NR5A2: variants seen among roughly 807,000 people sequenced by gnomAD.
NR5A2 encodes the protein CYP7A promoter-binding factor.
A neutral mutation model predicts 62.7 loss-of-function variants in NR5A2; 26 were observed. That is an observed-to-expected ratio of 0.41 (90% CI 0.30 to 0.58). The LOEUF (loss-of-function observed/expected upper bound fraction) is 0.58. NR5A2 is among the 20% of genes least tolerant of loss of function. The probability of loss-of-function intolerance (pLI) is 0.22; values close to 1 mark genes in which losing one functional copy is unlikely to be tolerated. For missense variants in NR5A2, 541 were observed against 669.1 expected (o/e 0.81, Z 2.11); for synonymous variants, 246 against 241.7 (o/e 1.02, Z -0.16).
intron 7 of NR5A2, among the ~76,000 whole-genome samples, chr1:200,163,533 G>A (rs1653755409): frequency 6.6e-6 from 1 of 151,326 alleles, no homozygotes; most frequent in African/African-American, 2.4e-5. Flanking sequence ...CCAGGCTGGA[G>A]TGCAGTGGCA....
intron 7 of NR5A2, among the ~76,000 whole-genome samples, chr1:200,170,317 C>T (rs1423715807): frequency 6.6e-6 from 1 of 152,118 alleles, no homozygotes; most frequent in African/African-American, 2.4e-5. Context: ...AACATGCTTT[C>T]CCTTTCCATC....
intron 5 of NR5A2, among the ~76,000 whole-genome samples, chr1:200,104,020 T>A (rs1665522745): frequency 6.6e-6 from 1 of 151,432 alleles, no homozygotes; most frequent in Non-Finnish European, 1.5e-5. Context: ...AAAGAGAGAG[T>A]CCAGATCTGG....
chr1:200,047,325 A>G (rs1244213370), intron 4 of NR5A2, among the ~76,000 whole-genome samples: 2 of 152,216 alleles, frequency 1.3e-5, no homozygotes, highest in African/African-American at 4.8e-5. Context: ...CATCAAGTCC[A>G]GGTGAACATG....
At chr1:200,144,233 TCACACA>T (rs60365337) in intron 7 of NR5A2, among the ~76,000 whole-genome samples, 4 of 80,120 alleles carry the variant, frequency 5.0e-5, no homozygotes, top group African/African-American at 1.3e-4. Flanking sequence ...TCTCTCTCTC[TCACACA>T]CACACACACA....
At chr1:200,107,782 G>C (rs1665758499) in intron 5 of NR5A2, among the ~76,000 whole-genome samples, 1 of 151,690 alleles carries the variant, frequency 6.6e-6, no homozygotes, top group South Asian at 2.1e-4. Flanking sequence ...TGGGATTACA[G>C]GCGCCTGCCA....
At chr1:200,151,617 A>C (rs1653128135) in intron 7 of NR5A2, among the ~76,000 whole-genome samples, 1 of 152,236 alleles carries the variant, frequency 6.6e-6, no homozygotes, top group Non-Finnish European at 1.5e-5. Context: ...TCTACATGGA[A>C]GCACAGAGAC....
chr1:200,038,004 C>G (rs764885868), intron 1 of NR5A2, among the ~76,000 whole-genome samples: 3 of 152,190 alleles, frequency 2.0e-5, no homozygotes, highest in African/African-American at 4.8e-5. Flanking sequence ...AAATTCACCC[C>G]CTTGTGGGTG....
At chr1:200,036,378 G>A (rs1163643281) in intron 1 of NR5A2, among the ~76,000 whole-genome samples, 1 of 152,156 alleles carries the variant, frequency 6.6e-6, no homozygotes, top group Non-Finnish European at 1.5e-5. Flanking sequence ...TTCAACAGGG[G>A]TCCCTTGCCC....
In NR5A2 at chr1:200,039,488, C is replaced by G. The variant is rs1480341436; in HGVS notation, c.65-170C>G. Among the ~76,000 whole-genome samples, 1 of 152,144 alleles carries G rather than the reference C, an allele frequency of 6.6e-6. No homozygotes were observed. The highest frequency in any genetic ancestry group is 1.9e-4 in the East Asian group (1 of 5,150). The stretch of plus-strand genomic sequence containing the variant: ...TTTAACCCTGACCTCCTCCTCGCAG[C>G]TTGGGGGCGGCTCCGGAGCTGCGAG... On this transcript the variant is annotated intron_variant, in intron 1 of 7. Transcript: ENST00000367362. The surrounding 1 kb of genome is among the most constrained non-coding windows in gnomAD (Gnocchi z 5.1).
chr1:200,041,455 A>G (rs1026304138), intron 2 of NR5A2, among the ~76,000 whole-genome samples: 4 of 152,060 alleles, frequency 2.6e-5, no homozygotes, highest in East Asian at 1.9e-4. Flanking sequence ...CCCCTGGGGG[A>G]TGGGGACCCC....
At chr1:200,105,381 C>A (rs1375496151) in intron 5 of NR5A2, among the ~76,000 whole-genome samples, 3 of 152,026 alleles carry the variant, frequency 2.0e-5, no homozygotes, top group Non-Finnish European at 1.5e-5. Context: ...CTCTGACCCC[C>A]TAGGAAGCCT....
intron 2 of NR5A2, among the ~76,000 whole-genome samples, chr1:200,040,512 A>AAG (rs1662013616): frequency 6.6e-6 from 1 of 152,170 alleles, no homozygotes; most frequent in Admixed American, 6.5e-5. Flanking sequence ...CCAACAAAAA[A>AAG]ACAAATCCCG....
chr1:200,095,462 C>T (rs1665043186), intron 5 of NR5A2, among the ~76,000 whole-genome samples: 1 of 152,134 alleles, frequency 6.6e-6, no homozygotes, highest in Non-Finnish European at 1.5e-5. Context: ...GCTGGATGTC[C>T]ATTGGTGAAT....
chr1:200,144,570 T>G (rs750125904), intron 7 of NR5A2, among the ~76,000 whole-genome samples: 1 of 152,222 alleles, frequency 6.6e-6, no homozygotes, highest in African/African-American at 2.4e-5. Context: ...TTCCCTCTTC[T>G]ATTAACCCAT....
chr1:200,053,853 T>C (rs943227257), intron 5 of NR5A2, among the ~76,000 whole-genome samples: 1 of 152,200 alleles, frequency 6.6e-6, no homozygotes. Flanking sequence ...CTTCTGGGCC[T>C]TGAGTTTCTG....
At chr1:200,096,438 A>G (rs942176090) in intron 5 of NR5A2, among the ~76,000 whole-genome samples, 12 of 152,170 alleles carry the variant, frequency 7.9e-5, no homozygotes, top group African/African-American at 2.9e-4. Context: ...TTGTATGATC[A>G]GCTATGGAAA....
intron 7 of NR5A2, chr1:200,148,025 G>T (rs1002696074): frequency 2.6e-5 from 8 of 304,924 alleles, no homozygotes; most frequent in African/African-American, 6.7e-5. Flanking sequence ...CGAAGGCCAC[G>T]TTGGGCAGGT....
At chr1:200,138,819 TAATA>T (rs1412163008) in intron 7 of NR5A2, among the ~76,000 whole-genome samples, 3 of 152,194 alleles carry the variant, frequency 2.0e-5, no homozygotes, top group Non-Finnish European at 2.9e-5. Flanking sequence ...TGCATTTTTA[TAATA>T]AATCTTAATA....
rs1424812729 is a variant in NR5A2 at position 200,175,005 on chromosome 1, C to G, written c.*795C>G. On this transcript the variant is annotated 3_prime_UTR_variant, in exon 8 of 8. Coordinates refer to ENST00000367362, the MANE Select transcript of NR5A2 (RefSeq NM_205860.3). ...TGACTACAAACTTTCAAAGCAAATG[C>G]TCCATAGCTAAAGCAACTTAGACCT... 5 of 152,748 alleles carry G rather than the reference C, an allele frequency of 3.3e-5. No homozygotes were observed. The highest frequency in any genetic ancestry group is 3.3e-4 in the Admixed American group (5 of 15,302). 9.5% of individuals were successfully genotyped at this position (152,748 alleles called of 1,614,324 possible).
Sources: gnomAD v4.1 joint callset for allele counts (sites outside exome capture counted in the v4.1 genomes callset) on GRCh38, gnomAD v4.1.1 for gene constraint, Gnocchi (gnomAD v3.1) non-coding constraint, MANE v1.5 for transcripts, NCBI Gene and HGNC (gene_info 2026-07-23, HGNC 2026-07-21) for gene names.